Variants in CDKL4 observed in about 807,000 individuals in gnomAD.
CDKL4 encodes cyclin dependent kinase like 4, also known as cyclin-dependent kinase-like 4.
Under a neutral mutation model 42.0 loss-of-function variants are expected in CDKL4, and 44 were observed. The observed-to-expected ratio is 1.05, with a 90% confidence interval of 0.82 to 1.35. The LOEUF is 1.35. Ranked by LOEUF, CDKL4 falls within the 40% of genes most tolerant of loss-of-function variation. CDKL4 has a pLI of 0.00. For synonymous variants in CDKL4, 120 were observed against 121.6 expected (o/e 0.99, Z 0.09); for missense variants, 393 against 369.9 (o/e 1.06, Z -0.51).
chr2:39,179,777 G>A (rs1020984895), intron 8 of CDKL4, among the ~76,000 whole-genome samples: 23 of 152,170 alleles, frequency 1.5e-4, no homozygotes, highest in African/African-American at 4.8e-4. Context: ...GGGTGATTCC[G>A]ATGCCCATAT....
At chr2:39,218,434 G>C (rs1678078243) in intron 3 of CDKL4, among the ~76,000 whole-genome samples, 1 of 152,174 alleles carries the variant, frequency 6.6e-6, no homozygotes. Flanking sequence ...GGGAGTTTGA[G>C]GCTGCAGTGA....
chr2:39,232,144 C>T (rs540278814), intron 1 of CDKL4, among the ~76,000 whole-genome samples: 50 of 152,272 alleles, frequency 3.3e-4, no homozygotes, highest in African/African-American at 1.2e-3. Context: ...ACTGATTCCT[C>T]AGACTAATAT....
chr2:39,172,207 G>A (rs944505096), downstream of CDKL4, among the ~76,000 whole-genome samples: 5 of 151,990 alleles, frequency 3.3e-5, no homozygotes, highest in African/African-American at 9.7e-5. Context: ...AGCTACTGGG[G>A]AGGCTGAGGC....
chr2:39,228,049 A>C (rs1349957581), intron 2 of CDKL4, among the ~76,000 whole-genome samples: 1 of 152,210 alleles, frequency 6.6e-6, no homozygotes, highest in Non-Finnish European at 1.5e-5. Flanking sequence ...TTCATCAGAG[A>C]CCAAGCTGAG....
In CDKL4 at chr2:39,204,569, C is replaced by A. The variant is rs1338009787; in HGVS notation, c.412G>T (p.Gly138Ter). ...CCGAAGTCACAAATCTTGATTATTC[C>A]TTGCTTAGTTATTAGAATATTTTCA... The change falls in exon 5 of 10, where the codon GGA (glycine) becomes TGA (stop). Residue 138 changes from glycine (G) to a stop codon, truncating the protein, a stop_gained. Transcript: ENST00000451199. LOFTEE classifies it high-confidence loss of function. 2 of 1,609,448 alleles carry A rather than the reference C, an allele frequency of 1.2e-6. No homozygotes were observed. The highest frequency in any genetic ancestry group is 2.7e-5 in the African/African-American group (2 of 74,744).
intron 3 of CDKL4, among the ~76,000 whole-genome samples, chr2:39,220,155 A>G (rs184663642): frequency 1.4e-3 from 216 of 152,340 alleles, no homozygotes; most frequent in South Asian, 3.3e-3. Context: ...AGGAATTGGA[A>G]TGTGACACTT....
intron 2 of CDKL4, among the ~76,000 whole-genome samples, chr2:39,227,775 T>C (rs779664344): frequency 3.3e-5 from 5 of 152,220 alleles, no homozygotes; most frequent in African/African-American, 4.8e-5. Context: ...TTTGATGCAA[T>C]GTCAAGGTTA....
chr2:39,225,962 T>C lies in CDKL4; in HGVS notation c.169-2A>G. The stretch of plus-strand genomic sequence containing the variant: ...CACAAGATTTGGATGTTTTAATTGC[T>C]GTGAAAGAATTGAAATGCAAAGTTA... On this transcript the variant is annotated splice_acceptor_variant, in intron 2 of 9. Coordinates refer to ENST00000451199, the Ensembl canonical transcript of CDKL4. LOFTEE classifies it high-confidence loss of function. 2 of 1,607,344 alleles carry C rather than the reference T, an allele frequency of 1.2e-6. No individual in the cohort carries two copies. Among genetic ancestry groups the C allele is most frequent in the Non-Finnish European group, 1.7e-6 (2 of 1,177,698 alleles).
At chr2:39,175,554 G>C (rs192170896), downstream of CDKL4, 1 of 157,248 alleles carries the variant, frequency 6.4e-6, no homozygotes, top group African/African-American at 2.4e-5. Flanking sequence ...AACAGACCTG[G>C]TTACAATAAG....
At chr2:39,230,195 T>C (rs1679015049) in intron 1 of CDKL4, among the ~76,000 whole-genome samples, 1 of 152,104 alleles carries the variant, frequency 6.6e-6, no homozygotes, top group South Asian at 2.1e-4. Context: ...GCCTAACCAA[T>C]ATGGAGAAAT....
Position 39,232,909 on chromosome 2 carries a change from G to A in CDKL4, c.-56-3321C>T, listed in dbSNP as rs561029287. Among the ~76,000 whole-genome samples, 4 of 151,904 alleles carry A rather than the reference G, an allele frequency of 2.6e-5. No individual in the cohort carries two copies. In the South Asian group the frequency reaches 8.3e-4, roughly 32 times the overall value. On this transcript the variant is annotated intron_variant, in intron 1 of 9. Transcript: ENST00000451199. ...AAATACAAAAAATTAGCCAGGCATGGTGGCACGCGCCTGTAGTCCCAGCTA... is the reference window on the plus strand; with the variant it reads ...AAATACAAAAAATTAGCCAGGCATGATGGCACGCGCCTGTAGTCCCAGCTA...
chr2:39,187,753 A>C lies in CDKL4; in HGVS notation c.653-44T>G, dbSNP rs1274628647. On this transcript the variant is annotated intron_variant, in intron 6 of 9. Coordinates refer to ENST00000451199, the Ensembl canonical transcript of CDKL4. ...ATAATTCATCATAAATTTGGCAAAG[A>C]ATAATCAAGTGTTTAAATGGTTAAT... 4 of 1,386,652 alleles carry C rather than the reference A, an allele frequency of 2.9e-6. No individual in the cohort carries two copies. In the Admixed American group the frequency reaches 6.9e-5, roughly 24 times the overall value. The allele number at this position is 1,386,652 out of a possible 1,614,324, so 85.9% of individuals were successfully genotyped here. A position where few individuals can be genotyped will look rare whatever the true frequency, so the allele number is the denominator to read the frequency against.
intron 1 of CDKL4, among the ~76,000 whole-genome samples, chr2:39,238,382 A>G (rs944821643): frequency 1.3e-5 from 2 of 152,182 alleles, no homozygotes; most frequent in Non-Finnish European, 2.9e-5. Flanking sequence ...ACATTGAGTT[A>G]TGATTATGCC....
At chr2:39,179,359 A>C (rs745760478) in intron 8 of CDKL4, 38 bp from the exon 9 acceptor site, 1 of 1,510,070 alleles carries the variant, frequency 6.6e-7, no homozygotes, top group African/African-American at 1.4e-5. Context: ...ATGTTAAGGG[A>C]GGGGCTCATT....
chr2:39,229,409 G>T (rs1573022854), exon 2 of CDKL4: 1 of 1,610,512 alleles, frequency 6.2e-7, no homozygotes, highest in East Asian at 2.2e-5. Flanking sequence ...TTAACAACAG[G>T]ATCATCTTCA....
chr2:39,220,969 C>T (rs13425432), intron 3 of CDKL4, among the ~76,000 whole-genome samples: 45,664 of 116,388 alleles, frequency 0.39, 10,526 homozygotes, highest in East Asian at 0.76. Flanking sequence ...TTCACTACAT[C>T]GACGATCTTT....
At chr2:39,184,636 C>A in exon 8 of CDKL4, 1 of 1,611,018 alleles carries the variant, frequency 6.2e-7, no homozygotes, top group Middle Eastern at 1.7e-4. Flanking sequence ...AGAACTTTTC[C>A]TCAAGAGTTT....
intron 3 of CDKL4, among the ~76,000 whole-genome samples, chr2:39,224,831 C>T (rs1678595117): frequency 6.6e-6 from 1 of 152,052 alleles, no homozygotes; most frequent in African/African-American, 2.4e-5. Flanking sequence ...GATACAAATG[C>T]TGTTAATTTT....
intron 4 of CDKL4, among the ~76,000 whole-genome samples, chr2:39,207,919 T>C (rs1358568391): frequency 6.6e-6 from 1 of 152,042 alleles, no homozygotes; most frequent in Non-Finnish European, 1.5e-5. Flanking sequence ...CTGGCCAACA[T>C]GGTGAAACCC....
Sources: allele counts gnomAD v4.1 joint callset (sites outside exome capture counted in the v4.1 genomes callset), GRCh38; gene constraint gnomAD v4.1.1; transcripts MANE v1.5; gene names NCBI Gene and HGNC (gene_info 2026-07-23, HGNC 2026-07-21).